MED13: variants seen among roughly 807,000 people sequenced by gnomAD.
MED13 encodes mediator of RNA polymerase II transcription subunit 13.
Under a neutral mutation model 225.2 loss-of-function variants are expected in MED13, and 23 were observed. The ratio of observed to expected loss-of-function variants is 0.10; its 90% CI spans 0.07 to 0.14. The LOEUF is 0.14. Ranked by LOEUF, MED13 falls within the 10% of genes least tolerant of loss-of-function variation. MED13 has a pLI of 1.00. For synonymous variants in MED13, 942 were observed against 889.2 expected, an observed-to-expected ratio of 1.06 and a Z score of -1.06; for missense variants, 2,197 against 2,594.5, an observed-to-expected ratio of 0.85 and a Z score of 3.33.
In MED13 at chr17:61,956,330, C is replaced by T. The variant is rs1387938304; in HGVS notation, c.5623+9G>A. 4 of 1,603,346 alleles carry T rather than the reference C, an allele frequency of 2.5e-6. No homozygotes were observed. Among genetic ancestry groups the T allele is most frequent in the Middle Eastern group, 1.7e-4 (1 of 6,028 alleles). On this transcript the variant is annotated intron_variant, in intron 24 of 29. Transcript: ENST00000397786. Reference sequence around the variant, plus strand: ...GGAAATATAAATACTAATAAAAGCACAATTTTACCTTTCAATTCTCCATGA... The same window carrying T: ...GGAAATATAAATACTAATAAAAGCATAATTTTACCTTTCAATTCTCCATGA...
intron 24 of MED13, 78 bp from the exon 25 acceptor site, chr17:61,955,916 C>A (rs1603390953): frequency 7.3e-7 from 1 of 1,372,134 alleles, no homozygotes; most frequent in Non-Finnish European, 9.4e-7. Context: ...CCTGTAGAAC[C>A]AAGTTAAAGT....
At position 62,052,663 on chromosome 17, in the gene MED13, C is replaced by T. The variant is rs368935603; in HGVS notation, c.344G>A (p.Cys115Tyr). ...AACTGCTTTGAAAAGCAGAGTACGG[C>T]ATTCATAGGAAAGTCCATTCTCCCA... is the stretch of plus-strand genomic sequence containing the variant. ...GVWENGLSYE[C>Y]RTLLFKAVHN... The change falls in exon 3 of 30, where the codon TGC (cysteine) becomes TAC (tyrosine). Residue 115 changes from cysteine to tyrosine, a missense_variant. Physicochemically the swap from Cys to Tyr is radical, Grantham distance 194. This residue lies in a region of MED13 where 884 missense variants were observed against 918.5 expected (regional missense o/e 0.96). Coordinates refer to ENST00000397786, the MANE Select transcript of MED13 (RefSeq NM_005121.3). 1 of 1,593,416 alleles carries T rather than the reference C, an allele frequency of 6.3e-7. No homozygotes were observed. The highest frequency in any genetic ancestry group is 8.6e-7 in the Non-Finnish European group (1 of 1,169,050).
intron 19 of MED13, 104 bp from the exon 20 acceptor site, chr17:61,965,572 G>T: frequency 1.7e-6 from 2 of 1,181,994 alleles, no homozygotes; most frequent in Non-Finnish European, 2.3e-6. Context: ...ATGTTTTCTT[G>T]GTAATTATAG....
intron 8 of MED13, among the ~76,000 whole-genome samples, chr17:62,028,496 A>G (rs2080723601): frequency 6.6e-6 from 1 of 152,140 alleles, no homozygotes; most frequent in Non-Finnish European, 1.5e-5. Context: ...CCCTTGTGAC[A>G]TGACTTTACC....
chr17:62,029,830 C>A, intron 7 of MED13, 21 bp downstream of exon 7: 1 of 1,569,508 alleles, frequency 6.4e-7, no homozygotes, highest in Non-Finnish European at 8.6e-7. Context: ...AATTTTTGAA[C>A]TTATAAATGA....
In MED13 at chr17:61,955,433, A is replaced by T. The variant is rs1192751389; in HGVS notation, c.5917T>A (p.Ser1973Thr). 3 of 1,590,728 alleles carry T rather than the reference A, an allele frequency of 1.9e-6. No homozygotes were observed. The highest frequency in any genetic ancestry group is 2.6e-6 in the Non-Finnish European group (3 of 1,172,560). ...AAATTTTCAGTGGTATAAGTAGCTG[A>T]AGCTACTTGCACAGAAGCAGAAGTA... Reference protein sequence around the residue: ...FPTSASVQVASATYTTENLDL... With the variant: ...FPTSASVQVATATYTTENLDL... Residue 1973 changes from serine to threonine, a missense_variant, in exon 26 of 30, where the codon TCA becomes ACA. Physicochemically the swap from Ser to Thr is moderately conservative, Grantham distance 58. Transcript: ENST00000397786.
intron 8 of MED13, among the ~76,000 whole-genome samples, chr17:62,020,204 T>C (rs1041755603): frequency 2.0e-5 from 3 of 151,918 alleles, no homozygotes; most frequent in African/African-American, 4.8e-5. Context: ...AGAAATTTAA[T>C]GTATTGCTTT....
chr17:62,017,931 T>G (rs2080599127), intron 8 of MED13, among the ~76,000 whole-genome samples: 1 of 152,222 alleles, frequency 6.6e-6, no homozygotes, highest in Non-Finnish European at 1.5e-5. Context: ...GCTTTTTTCA[T>G]GAAACACCAT....
intron 9 of MED13, among the ~76,000 whole-genome samples, chr17:62,001,259 CTTTACTG>C (rs2080392180): frequency 6.6e-6 from 1 of 152,172 alleles, no homozygotes; most frequent in Non-Finnish European, 1.5e-5. Flanking sequence ...TATTCTCCTA[CTTTACTG>C]TTTAACTGGC....
intron 11 of MED13, among the ~76,000 whole-genome samples, chr17:61,992,334 T>C (rs1457866428): frequency 6.6e-6 from 1 of 152,224 alleles, no homozygotes; most frequent in Admixed American, 6.5e-5. Context: ...GGAAAGAGGC[T>C]GCAACAATTA....
chr17:62,063,529 A>C (rs1246379511), intron 1 of MED13, among the ~76,000 whole-genome samples: 1 of 152,192 alleles, frequency 6.6e-6, no homozygotes, highest in Non-Finnish European at 1.5e-5. Flanking sequence ...TAGCAAGCAA[A>C]TATGTACTCC....
chr17:61,987,378 GAGCCGAGAT>G (rs2080257189), intron 11 of MED13, among the ~76,000 whole-genome samples: 1 of 152,056 alleles, frequency 6.6e-6, no homozygotes, highest in Admixed American at 6.6e-5. Context: ...AGGTTGCAGT[GAGCCGAGAT>G]AGCACCATTG....
At chr17:62,022,491 A>T (rs2080659151) in intron 8 of MED13, among the ~76,000 whole-genome samples, 1 of 152,044 alleles carries the variant, frequency 6.6e-6, no homozygotes, top group Admixed American at 6.6e-5. Flanking sequence ...TTTTCTTTTA[A>T]AAAAGAGAGT....
At position 61,982,350 on chromosome 17, in the gene MED13, C is replaced by T. The variant is rs1321235025; in HGVS notation, c.3653G>A (p.Ser1218Asn). Residue 1218 changes from serine (S) to asparagine (N), a missense_variant, in exon 16 of 30, where the codon AGC becomes AAC. Ser to Asn is a conservative substitution (Grantham distance 46). Transcript: ENST00000397786. Reference sequence around the variant, plus strand: ...ACGCTCTTCAACACGTACCCAATTGCTAATTACACCACTTTTAGGAAAAGG... The same window carrying T: ...ACGCTCTTCAACACGTACCCAATTGTTAATTACACCACTTTTAGGAAAAGG... Reference protein sequence around the residue: ...QDPFPKSGVISNWVRVEERDC... With the variant: ...QDPFPKSGVINNWVRVEERDC... 5.0e-6 allele frequency: 8 copies of T among 1,614,082 alleles called. No homozygotes were observed. Among genetic ancestry groups the T allele is most frequent in the Non-Finnish European group, 6.8e-6 (8 of 1,180,040 alleles).
At chr17:61,978,408 T>C (rs897783575) in intron 16 of MED13, among the ~76,000 whole-genome samples, 2 of 152,260 alleles carry the variant, frequency 1.3e-5, no homozygotes, top group Admixed American at 1.3e-4. Context: ...TGCGCCACCA[T>C]GCCCAGCTAA....
chr17:62,064,421 A>G (rs1222735548), intron 1 of MED13, among the ~76,000 whole-genome samples: 2 of 152,208 alleles, frequency 1.3e-5, no homozygotes, highest in Non-Finnish European at 2.9e-5. Flanking sequence ...ATTCTGAAAA[A>G]GCAACCAAAA....
chr17:61,996,191 C>G (rs924688082), intron 9 of MED13, among the ~76,000 whole-genome samples: 1 of 152,144 alleles, frequency 6.6e-6, no homozygotes, highest in African/African-American at 2.4e-5. Context: ...CTGATCTATA[C>G]CAAAGAACCC....
In MED13 at chr17:61,968,313, T is replaced by TTTTATTTA. The variant is rs56707514; in HGVS notation, c.3968-63_3968-56dup. On this transcript the variant is annotated intron_variant, in intron 17 of 29. Coordinates refer to ENST00000397786, the MANE Select transcript of MED13 (RefSeq NM_005121.3). Reference sequence around the variant, plus strand: ...CACTTAAAAACAAGACATGTCTCCTTTTTATTTATTTATTTATTTATTTAT... The same window carrying TTTTATTTA: ...CACTTAAAAACAAGACATGTCTCCTTTTTATTTATTTATTTATTTATTTATTTATTTAT... The TTTTATTTA allele has an allele frequency of 0.011, 13,311 of 1,164,982 alleles. 1,834 individuals carry two copies. The East Asian group carries it at 0.29, about 25-fold the overall frequency. 72.2% of individuals were successfully genotyped at this position (1,164,982 alleles called of 1,614,324 possible). A position where few individuals can be genotyped will look rare whatever the true frequency, so the allele number is the denominator to read the frequency against.
At chr17:62,017,528 G>A (rs1393343163) in intron 8 of MED13, among the ~76,000 whole-genome samples, 2 of 152,136 alleles carry the variant, frequency 1.3e-5, no homozygotes, top group Middle Eastern at 3.4e-3. Context: ...GGGCTACAGG[G>A]GTTCAAAACT....
Sources: gnomAD v4.1 joint callset for allele counts (sites outside exome capture counted in the v4.1 genomes callset) on GRCh38, gnomAD v4.1.1 for gene constraint, gnomAD v4.1.1 regional missense constraint, MANE v1.5 for transcripts, NCBI Gene and HGNC (gene_info 2026-07-23, HGNC 2026-07-21) for gene names.